SLC29A3: variants seen among roughly 807,000 people sequenced by gnomAD.
SLC29A3 encodes the protein equilibrative nucleoside transporter 3.
In SLC29A3, 18 loss-of-function variants were observed where a neutral mutation model predicts 25.4. That is an observed-to-expected ratio of 0.71 (90% CI 0.49 to 1.05). The LOEUF (loss-of-function observed/expected upper bound fraction) is 1.05. SLC29A3 is among the 50% of genes least tolerant of loss of function. SLC29A3 has a pLI of 0.00. For synonymous variants in SLC29A3, 258 were observed against 267.1 expected (o/e 0.97, Z 0.33); for missense variants, 586 against 609.0 (o/e 0.96, Z 0.40).
At chr10:71,358,610 G>A (rs1464605280) in intron 5 of SLC29A3, among the ~76,000 whole-genome samples, 1 of 152,230 alleles carries the variant, frequency 6.6e-6, no homozygotes, top group Non-Finnish European at 1.5e-5. Flanking sequence ...TCCAGCCACT[G>A]AATGAACAGA....
At chr10:71,360,865 C>T (rs928041406) in intron 5 of SLC29A3, among the ~76,000 whole-genome samples, 3 of 152,170 alleles carry the variant, frequency 2.0e-5, no homozygotes, top group African/African-American at 7.2e-5. Context: ...GAGACATAGG[C>T]CACATGTTCC....
chr10:71,361,567 G>A (rs1308131934), intron 5 of SLC29A3, among the ~76,000 whole-genome samples: 1 of 152,194 alleles, frequency 6.6e-6, no homozygotes, highest in Non-Finnish European at 1.5e-5. Context: ...TATTATTTGG[G>A]TTTGTTGTAT....
chr10:71,324,094 T>A (rs930965340), intron 2 of SLC29A3, among the ~76,000 whole-genome samples: 1 of 152,106 alleles, frequency 6.6e-6, no homozygotes. Context: ...TTAAGACTAT[T>A]GTAGTAGGGG....
At chr10:71,360,492 T>A (rs886146783) in intron 5 of SLC29A3, among the ~76,000 whole-genome samples, 18 of 152,302 alleles carry the variant, frequency 1.2e-4, no homozygotes, top group Admixed American at 5.9e-4. Context: ...TTACTGTAGA[T>A]TGTGGTTAGT....
intron 3 of SLC29A3, among the ~76,000 whole-genome samples, chr10:71,369,227 A>G (rs188104264): frequency 8.5e-5 from 13 of 152,352 alleles, no homozygotes; most frequent in South Asian, 8.3e-4. Flanking sequence ...ACTGTGAGGA[A>G]TAAATTTCTA....
At chr10:71,319,980 T>C (rs910656277) in intron 1 of SLC29A3, among the ~76,000 whole-genome samples, 4 of 152,208 alleles carry the variant, frequency 2.6e-5, no homozygotes, top group Non-Finnish European at 5.9e-5. Flanking sequence ...TTGGGGAAGG[T>C]TGGGCACTTC....
At chr10:71,348,764 G>T (rs1280876598) in intron 3 of SLC29A3, among the ~76,000 whole-genome samples, 2 of 152,222 alleles carry the variant, frequency 1.3e-5, no homozygotes, top group Non-Finnish European at 2.9e-5. Context: ...ATGTGTGTCA[G>T]TGTGAGGTCT....
At chr10:71,349,739 A>T (rs1846700963) in intron 3 of SLC29A3, among the ~76,000 whole-genome samples, 1 of 152,136 alleles carries the variant, frequency 6.6e-6, no homozygotes, top group Non-Finnish European at 1.5e-5. Flanking sequence ...CTCTGCTCGC[A>T]TCTTGACTAC....
chr10:71,364,445 G>C (rs533067027), downstream of SLC29A3: 1 of 152,272 alleles, frequency 6.6e-6, no homozygotes, highest in South Asian at 2.1e-4. Context: ...ATTTTTTTCA[G>C]GTGTCTAGAA....
intron 3 of SLC29A3, among the ~76,000 whole-genome samples, chr10:71,345,436 AG>A (rs1358051254): frequency 1.3e-5 from 2 of 152,186 alleles, no homozygotes; most frequent in African/African-American, 2.4e-5. Flanking sequence ...GCTGAGAACA[AG>A]GGAGAGGCTG....
intron 2 of SLC29A3, among the ~76,000 whole-genome samples, chr10:71,331,329 C>T (rs147469566): frequency 1.1e-3 from 174 of 152,240 alleles, no homozygotes; most frequent in Middle Eastern, 6.8e-3. Flanking sequence ...AGACAGCAAA[C>T]TCAAGGAATT....
intron 2 of SLC29A3, among the ~76,000 whole-genome samples, chr10:71,340,353 T>A (rs1171253303): frequency 3.3e-5 from 5 of 152,244 alleles, no homozygotes; most frequent in Non-Finnish European, 7.3e-5. Context: ...CCTACAGGTC[T>A]GGTGCCCCTG....
chr10:71,361,130 CTGTTT>C lies in SLC29A3; in HGVS notation c.774-799_774-795del, dbSNP rs79643634. ...AACAGTATGTACCAGATTGGTTTTT[CTGTTT>C]TGTTTTGTTTTGTTTTGTTTTGTTG... On this transcript the variant is annotated intron_variant, in intron 5 of 5. Coordinates refer to ENST00000373189, the MANE Select transcript of SLC29A3 (RefSeq NM_018344.6). Among the ~76,000 whole-genome samples, 1,120 of 152,062 alleles carry C rather than the reference CTGTTT, an allele frequency of 7.4e-3. 10 individuals carry two copies. Among genetic ancestry groups the C allele is most frequent in the Non-Finnish European group, 9.1e-3 (619 of 67,970 alleles).
intron 2 of SLC29A3, among the ~76,000 whole-genome samples, chr10:71,340,234 C>T (rs1846364350): frequency 6.6e-6 from 1 of 152,216 alleles, no homozygotes; most frequent in Admixed American, 6.5e-5. Context: ...AGCCTTTCAC[C>T]TCTGGTTCTA....
At chr10:71,320,027 C>A (rs1168612350) in intron 1 of SLC29A3, among the ~76,000 whole-genome samples, 2 of 152,218 alleles carry the variant, frequency 1.3e-5, no homozygotes, top group African/African-American at 4.8e-5. Context: ...AATCCAGAAG[C>A]CAGCAGCTAG....
intron 2 of SLC29A3, among the ~76,000 whole-genome samples, chr10:71,333,944 A>G (rs1846180482): frequency 6.6e-6 from 1 of 152,202 alleles, no homozygotes; most frequent in African/African-American, 2.4e-5. Flanking sequence ...GGGGATAAGA[A>G]TCAGAGCAGT....
rs1200665620 is a variant in SLC29A3 at position 71,362,237 on chromosome 10, C to T, written c.1057C>T (p.Leu353Phe). Residue 353 changes from leucine to phenylalanine, a missense_variant, in exon 6 of 6, where the codon CTC (leucine) becomes TTC (phenylalanine). Physicochemically the swap from Leu to Phe is conservative, Grantham distance 22. Transcript: ENST00000373189. ...GTTTTTCATCCCCCTCACTACCTTC[C>T]TCCTGTACAACTTTGCTGACCTATG... ...TKFFIPLTTF[L>F]LYNFADLCGR... 3 of 1,614,054 alleles carry T rather than the reference C, an allele frequency of 1.9e-6. No individual in the cohort carries two copies. The highest frequency in any genetic ancestry group is 2.7e-5 in the African/African-American group (2 of 74,916).
At chr10:71,368,735 G>A (rs986343403) in intron 3 of SLC29A3, among the ~76,000 whole-genome samples, 6 of 152,080 alleles carry the variant, frequency 3.9e-5, no homozygotes, top group Admixed American at 2.0e-4. Flanking sequence ...TAGTTCCAAC[G>A]GGGTTCCAAG....
intron 2 of SLC29A3, among the ~76,000 whole-genome samples, chr10:71,334,505 T>C (rs987901639): frequency 6.6e-6 from 1 of 152,254 alleles, no homozygotes; most frequent in African/African-American, 2.4e-5. Context: ...TATCTATTTG[T>C]TTATGCATTT....
Sources: allele counts gnomAD v4.1 joint callset (sites outside exome capture counted in the v4.1 genomes callset), GRCh38; gene constraint gnomAD v4.1.1; transcripts MANE v1.5; gene names NCBI Gene and HGNC (gene_info 2026-07-23, HGNC 2026-07-21).